TRIM24: variants seen among roughly 807,000 people sequenced by gnomAD.
TRIM24 encodes transcription intermediary factor 1-alpha.
Under a neutral mutation model 123.9 loss-of-function variants are expected in TRIM24, and 29 were observed. The ratio of observed to expected loss-of-function variants is 0.23; its 90% CI spans 0.17 to 0.32. The LOEUF (loss-of-function observed/expected upper bound fraction) is 0.32, where lower values mean the gene tolerates loss of function less well. TRIM24 is among the 10% of genes least tolerant of loss of function. The pLI, the probability that TRIM24 is intolerant of heterozygous loss-of-function variation, is 1.00. For missense variants in TRIM24, 932 were observed against 1,295.3 expected (o/e 0.72, Z 4.31); for synonymous variants, 456 against 461.1 (o/e 0.99, Z 0.14).
Position 138,578,555 on chromosome 7 carries a change from TGTGTGTGTGCGC to T in TRIM24, c.2257-647_2257-636del, listed in dbSNP as rs1319567192. ...TTTTGTGTGTGTGTGTGTGTGTGTG[TGTGTGTGTGCGC>T]GCACGCACGAATGGAAGCAGGACGG... On this transcript the variant is annotated intron_variant, in intron 14 of 18. Transcript: ENST00000343526. Among the ~76,000 whole-genome samples, 75 of 131,336 alleles carry T rather than the reference TGTGTGTGTGCGC, an allele frequency of 5.7e-4. No homozygotes were observed. In the Middle Eastern group the frequency reaches 0.013, roughly 22 times the overall value. 86.2% of individuals were successfully genotyped at this position (131,336 alleles called of 152,430 possible). A position where few individuals can be genotyped will look rare whatever the true frequency, so the allele number is the denominator to read the frequency against.
At chr7:138,462,329 T>G (rs1010610381) in intron 1 of TRIM24, among the ~76,000 whole-genome samples, 13 of 150,232 alleles carry the variant, frequency 8.7e-5, no homozygotes, top group East Asian at 3.9e-4. Context: ...TGAGAACTAG[T>G]GCAAAAATCT....
intron 1 of TRIM24, among the ~76,000 whole-genome samples, chr7:138,464,260 T>A (rs936804597): frequency 2.0e-5 from 3 of 151,976 alleles, no homozygotes; most frequent in Admixed American, 6.6e-5. Context: ...CCCCCAGAAG[T>A]GCTGGGATTA....
intron 9 of TRIM24, among the ~76,000 whole-genome samples, chr7:138,559,423 G>A (rs1797380711): frequency 6.6e-6 from 1 of 152,174 alleles, no homozygotes; most frequent in Non-Finnish European, 1.5e-5. Flanking sequence ...CCCCCAGGAG[G>A]AGGTTGGATA....
intron 10 of TRIM24, among the ~76,000 whole-genome samples, chr7:138,568,559 G>A (rs1217283992): frequency 6.6e-6 from 1 of 151,272 alleles, no homozygotes; most frequent in African/African-American, 2.4e-5. Flanking sequence ...GCTAATTTTT[G>A]TATTTTTAGT....
At chr7:138,496,534 C>T (rs1266762200) in intron 1 of TRIM24, among the ~76,000 whole-genome samples, 2 of 152,156 alleles carry the variant, frequency 1.3e-5, no homozygotes, top group Admixed American at 6.5e-5. Context: ...TGTATTTCAT[C>T]ATTAAATATA....
chr7:138,567,386 T>C lies in TRIM24; in HGVS notation c.1531-95T>C. 4 of 1,190,474 alleles carry C rather than the reference T, an allele frequency of 3.4e-6. No homozygotes were observed. The South Asian group carries it at 5.3e-5, about 16-fold the overall frequency. The allele number at this position is 1,190,474 out of a possible 1,614,324, so 73.7% of individuals were successfully genotyped here. A position where few individuals can be genotyped will look rare whatever the true frequency, so the allele number is the denominator to read the frequency against. ...AATAATTGATTGATCTGTGGCAGAG[T>C]TCTATTTTTCTGTAAAAGTTTTATA... On this transcript the variant is annotated intron_variant, in intron 9 of 18. Transcript: ENST00000343526.
Position 138,576,382 on chromosome 7 carries a change from C to T in TRIM24, c.2024C>T (p.Thr675Ile). The T allele has an allele frequency of 1.2e-6, 2 of 1,613,480 alleles. No homozygotes were observed. The highest frequency in any genetic ancestry group is 1.7e-6 in the Non-Finnish European group (2 of 1,179,508). ...VPSPGLAGPVTMTSVHPPIRS... is the reference protein window; with the variant it reads ...VPSPGLAGPVIMTSVHPPIRS... ...GTTTCCCCCTCCTCAGGACCTGTTA[C>T]TATGACTAGTGTACACCCCCCAATA... The change falls in exon 13 of 19, where the codon ACT becomes ATT. Residue 675 changes from threonine (T) to isoleucine (I), a missense_variant. By Grantham distance (89) the Thr-to-Ile change is moderately conservative. Around this residue, in one of 7 missense-constraint regions of TRIM24, gnomAD observed 527 missense variants for 691.3 expected, o/e 0.76. Transcript: ENST00000343526.
chr7:138,564,545 T>C (rs113675079), intron 9 of TRIM24, among the ~76,000 whole-genome samples: 6,897 of 152,340 alleles, frequency 0.045, 207 homozygotes, highest in Middle Eastern at 0.1. Flanking sequence ...TACTTTCACT[T>C]TAGGCTCGGT....
At chr7:138,560,546 C>T (rs532639426) in intron 9 of TRIM24, among the ~76,000 whole-genome samples, 13 of 152,234 alleles carry the variant, frequency 8.5e-5, no homozygotes, top group Non-Finnish European at 1.5e-4. Context: ...GGGCCCTTGC[C>T]GTGGGTTGTT....
chr7:138,513,560 AAG>A (rs1475346099), intron 2 of TRIM24, among the ~76,000 whole-genome samples: 3 of 152,086 alleles, frequency 2.0e-5, no homozygotes, highest in East Asian at 1.9e-4. Context: ...CAGGGGCAAA[AAG>A]AGAGGGGGGA....
intron 6 of TRIM24, among the ~76,000 whole-genome samples, chr7:138,535,778 C>A (rs746595321): frequency 6.6e-6 from 1 of 152,026 alleles, no homozygotes; most frequent in Non-Finnish European, 1.5e-5. Flanking sequence ...GCTAGGTTGG[C>A]GAAGTTCTCC....
chr7:138,531,531 T>C (rs866850125), intron 6 of TRIM24, among the ~76,000 whole-genome samples: 1 of 152,206 alleles, frequency 6.6e-6, no homozygotes, highest in African/African-American at 2.4e-5. Context: ...TCCATGTCTC[T>C]ACAAAGGACA....
rs1554436586 is a variant in TRIM24, at chr7:138,508,678, T to TGC, written c.483+4271_483+4272insCG. On this transcript the variant is annotated intron_variant, in intron 2 of 18. Transcript: ENST00000343526. ...AATAAGAGGAGTGTGTGTGTGTGTG[T>TGC]GTGTGTGTGTGTGTGCGCGCGCGTG... Among the ~76,000 whole-genome samples, 123 of 51,250 alleles carry TGC rather than the reference T, an allele frequency of 2.4e-3. No individual in the cohort carries two copies. In the East Asian group the frequency reaches 0.024, roughly 10 times the overall value. The allele number at this position is 51,250 out of a possible 152,430, so 33.6% of individuals were successfully genotyped here.
intron 3 of TRIM24, among the ~76,000 whole-genome samples, chr7:138,518,048 A>T (rs1486849964): frequency 6.6e-6 from 1 of 152,238 alleles, no homozygotes; most frequent in Non-Finnish European, 1.5e-5. Context: ...ACCTTATGGA[A>T]ACATTTAAAT....
intron 2 of TRIM24, among the ~76,000 whole-genome samples, chr7:138,506,874 G>T (rs1480916989): frequency 1.3e-5 from 2 of 152,134 alleles, no homozygotes; most frequent in Admixed American, 1.3e-4. Context: ...TTTGAACCAG[G>T]CAGTACTTAG....
At chr7:138,467,805 A>C (rs1412136177) in intron 1 of TRIM24, among the ~76,000 whole-genome samples, 2 of 152,182 alleles carry the variant, frequency 1.3e-5, no homozygotes, top group African/African-American at 2.4e-5. Context: ...CGTATATGAT[A>C]TTTTTAAAAT....
At chr7:138,518,769 G>C (rs1451478244) in intron 3 of TRIM24, among the ~76,000 whole-genome samples, 1 of 152,150 alleles carries the variant, frequency 6.6e-6, no homozygotes. Context: ...CTGAATAGCT[G>C]TGACTACAAG....
At chr7:138,503,084 AGTT>A (rs1796076289) in intron 1 of TRIM24, among the ~76,000 whole-genome samples, 1 of 152,152 alleles carries the variant, frequency 6.6e-6, no homozygotes, top group Non-Finnish European at 1.5e-5. Context: ...CAACATGAAA[AGTT>A]CATCCCTTTT....
chr7:138,559,358 G>A (rs1012952268), intron 9 of TRIM24, among the ~76,000 whole-genome samples: 1 of 152,062 alleles, frequency 6.6e-6, no homozygotes, highest in African/African-American at 2.4e-5. Flanking sequence ...GGGATGAGTA[G>A]CAACAAAGTA....
Sources: gnomAD v4.1 joint callset for allele counts (sites outside exome capture counted in the v4.1 genomes callset) on GRCh38, gnomAD v4.1.1 for gene constraint, gnomAD v4.1.1 regional missense constraint, MANE v1.5 for transcripts, NCBI Gene and HGNC (gene_info 2026-07-23, HGNC 2026-07-21) for gene names.